MCU: variants seen among roughly 807,000 people sequenced by gnomAD.
MCU encodes calcium uniporter protein, mitochondrial.
A neutral mutation model predicts 45.2 loss-of-function variants in MCU; 12 were observed. The observed-to-expected ratio is 0.27, with a 90% CI of 0.17 to 0.43. MCU has a LOEUF of 0.43. Ranked by LOEUF, MCU falls within the 20% of genes least tolerant of loss-of-function variation. MCU has a pLI of 1.00. For missense variants in MCU, 324 were observed against 436.7 expected (o/e 0.74, Z 2.30); for synonymous variants, 160 against 165.1 (o/e 0.97, Z 0.24).
intron 1 of MCU, among the ~76,000 whole-genome samples, chr10:72,819,643 A>T (rs547525059): frequency 6.6e-6 from 1 of 151,802 alleles, no homozygotes; most frequent in Non-Finnish European, 1.5e-5. Context: ...AAAATTTTCA[A>T]ATCTATGTAG....
At chr10:72,783,340 A>G (rs1844023408) in intron 1 of MCU, among the ~76,000 whole-genome samples, 1 of 152,214 alleles carries the variant, frequency 6.6e-6, no homozygotes, top group African/African-American at 2.4e-5. Context: ...GATGCTATTC[A>G]TTTTAGAATA....
At chr10:72,821,680 T>G (rs1210554421) in intron 1 of MCU, among the ~76,000 whole-genome samples, 1 of 152,112 alleles carries the variant, frequency 6.6e-6, no homozygotes, top group Non-Finnish European at 1.5e-5. Flanking sequence ...ATAGAATATC[T>G]CTCTAGGCTG....
chr10:72,873,373 C>T (rs778689460), intron 6 of MCU, among the ~76,000 whole-genome samples: 12 of 152,108 alleles, frequency 7.9e-5, no homozygotes, highest in Non-Finnish European at 1.8e-4. Flanking sequence ...AGCATTTCCT[C>T]ATATACCTAT....
chr10:72,709,717 G>A (rs558546742), intron 1 of MCU, among the ~76,000 whole-genome samples: 5 of 151,934 alleles, frequency 3.3e-5, no homozygotes, highest in African/African-American at 9.7e-5. Flanking sequence ...ATGAAATCTT[G>A]TTTTCTTTTT....
chr10:72,883,670 AC>A (rs1471226224), intron 6 of MCU, among the ~76,000 whole-genome samples: 2 of 152,232 alleles, frequency 1.3e-5, no homozygotes, highest in Non-Finnish European at 1.5e-5. Flanking sequence ...AAGAACGGAA[AC>A]AACCCAAAAG....
At chr10:72,694,181 GA>G (rs1564530694) in intron 1 of MCU, among the ~76,000 whole-genome samples, 1 of 152,212 alleles carries the variant, frequency 6.6e-6, no homozygotes, top group East Asian at 1.9e-4. Context: ...GTAAGATTTT[GA>G]AAAAAATTGA....
intron 4 of MCU, among the ~76,000 whole-genome samples, chr10:72,861,265 C>G (rs984254352): frequency 2.0e-5 from 3 of 151,902 alleles, no homozygotes; most frequent in African/African-American, 7.3e-5. Context: ...GGCTCAAGCA[C>G]TCCTCCCTCT....
chr10:72,870,322 A>G (rs1427909607), intron 5 of MCU, among the ~76,000 whole-genome samples: 1 of 152,154 alleles, frequency 6.6e-6, no homozygotes, highest in East Asian at 1.9e-4. Flanking sequence ...TCTATTGCCC[A>G]GGCTGGAGTG....
intron 1 of MCU, among the ~76,000 whole-genome samples, chr10:72,763,407 G>A (rs544855569): frequency 6.6e-6 from 1 of 152,246 alleles, no homozygotes; most frequent in Admixed American, 6.5e-5. Context: ...AGTATGAGTG[G>A]CTGCTGGCTG....
chr10:72,808,921 T>C (rs1459397063), intron 1 of MCU, among the ~76,000 whole-genome samples: 2 of 152,150 alleles, frequency 1.3e-5, no homozygotes, highest in South Asian at 4.2e-4. Flanking sequence ...CCTACCGAAA[T>C]TGGGAAGTAG....
chr10:72,834,954 A>T (rs1417285423), intron 2 of MCU, among the ~76,000 whole-genome samples: 1 of 152,126 alleles, frequency 6.6e-6, no homozygotes, highest in Non-Finnish European at 1.5e-5. Context: ...GCCCAGCCTC[A>T]TTTATCTGTT....
intron 1 of MCU, among the ~76,000 whole-genome samples, chr10:72,699,648 G>T (rs1407710083): frequency 2.0e-5 from 3 of 149,836 alleles, no homozygotes; most frequent in East Asian, 3.9e-4. Context: ...CTGGAGTGCA[G>T]TGGCGCTATC....
intron 2 of MCU, among the ~76,000 whole-genome samples, chr10:72,851,252 T>C (rs1484395723): frequency 6.6e-6 from 1 of 152,248 alleles, no homozygotes; most frequent in Non-Finnish European, 1.5e-5. Context: ...TCATATTCTC[T>C]GTTGACTTTG....
intron 2 of MCU, among the ~76,000 whole-genome samples, chr10:72,840,034 ATTC>A (rs1430511896): frequency 2.7e-5 from 4 of 150,584 alleles, no homozygotes; most frequent in Admixed American, 6.6e-5. Context: ...ACATGTTTTC[ATTC>A]TTCTTGGATA....
chr10:72,799,437 C>T (rs766880677), intron 1 of MCU, among the ~76,000 whole-genome samples: 1 of 152,040 alleles, frequency 6.6e-6, no homozygotes, highest in African/African-American at 2.4e-5. Flanking sequence ...CAAAGCTGTT[C>T]TCTGTAAGCA....
At chr10:72,803,337 TA>T (rs1300054424) in intron 1 of MCU, among the ~76,000 whole-genome samples, 1 of 151,580 alleles carries the variant, frequency 6.6e-6, no homozygotes, top group Admixed American at 6.6e-5. Context: ...CCTATTGTGA[TA>T]CTCAGTGAGC....
At chr10:72,830,717 A>G (rs1162069278) in intron 1 of MCU, among the ~76,000 whole-genome samples, 1 of 152,222 alleles carries the variant, frequency 6.6e-6, no homozygotes, top group Non-Finnish European at 1.5e-5. Context: ...CTTCAGCACA[A>G]CTAGGGAGAT....
chr10:72,778,199 A>G (rs937324904), intron 1 of MCU, among the ~76,000 whole-genome samples: 2 of 152,322 alleles, frequency 1.3e-5, no homozygotes, highest in African/African-American at 4.8e-5. Context: ...AAAGATAATC[A>G]ATATTTTTAA....
intron 1 of MCU, among the ~76,000 whole-genome samples, chr10:72,814,437 A>G (rs1232271568): frequency 6.6e-6 from 1 of 152,076 alleles, no homozygotes; most frequent in African/African-American, 2.4e-5. Flanking sequence ...TATCAAGCCT[A>G]TAATTTTTTG....
Sources: gnomAD v4.1 joint callset for allele counts (sites outside exome capture counted in the v4.1 genomes callset) on GRCh38, gnomAD v4.1.1 for gene constraint, MANE v1.5 for transcripts, NCBI Gene and HGNC (gene_info 2026-07-23, HGNC 2026-07-21) for gene names.